ARHGAP32: variants seen among roughly 807,000 people sequenced by gnomAD.
ARHGAP32 encodes the protein rho GTPase-activating protein 32.
Under a neutral mutation model 186.5 loss-of-function variants are expected in ARHGAP32, and 51 were observed. The observed-to-expected ratio is 0.27, with a 90% CI of 0.22 to 0.35. The LOEUF (loss-of-function observed/expected upper bound fraction) is 0.35. Ranked by LOEUF, ARHGAP32 falls within the 10% of genes least tolerant of loss-of-function variation. ARHGAP32 has a pLI of 1.00. For synonymous variants in ARHGAP32, 950 were observed against 964.3 expected, an observed-to-expected ratio of 0.99 and a Z score of 0.27; for missense variants, 2,186 against 2,623.5, an observed-to-expected ratio of 0.83 and a Z score of 3.64.
At chr11:129,062,416 T>C in intron 9 of ARHGAP32, 59 bp from the exon 10 acceptor site, 2 of 1,401,696 alleles carry the variant, frequency 1.4e-6, no homozygotes, top group Admixed American at 1.7e-5. Context: ...CCAATTGTTA[T>C]ACCTAGAATT....
In ARHGAP32 at chr11:129,093,681, T is replaced by G; in HGVS notation, c.471A>C (p.Glu157Asp). The G allele has an allele frequency of 6.3e-7, 1 of 1,599,848 alleles. No individual in the cohort carries two copies. The highest frequency in any genetic ancestry group is 1.1e-5 in the South Asian group (1 of 88,330). Residue 157 changes from glutamate (E) to aspartate (D), a missense_variant, in exon 6 of 23, where the codon GAA (glutamate) becomes GAC (aspartate). This residue lies in a region of ARHGAP32 where 308 missense variants were observed against 596.5 expected (regional missense o/e 0.52). Coordinates refer to ENST00000682385, the MANE Select transcript of ARHGAP32 (RefSeq NM_001378024.1). ...TAGATTCACAGCCATTTTTCATTAC[T>G]TCATTCTGTTCTTCTGAAAGTGAAA... is the stretch of plus-strand genomic sequence containing the variant. ...IQLSLSEEQN[E>D]VMKNGCESKE...
At chr11:129,204,593 T>C (rs1212022585) in intron 1 of ARHGAP32, among the ~76,000 whole-genome samples, 8 of 152,210 alleles carry the variant, frequency 5.3e-5, no homozygotes, top group Non-Finnish European at 2.9e-5. Context: ...TCACTCTGCT[T>C]TGAAGTTGGT....
At chr11:129,121,332 G>A (rs1227276492) in intron 5 of ARHGAP32, among the ~76,000 whole-genome samples, 1 of 152,020 alleles carries the variant, frequency 6.6e-6, no homozygotes, top group Non-Finnish European at 1.5e-5. Flanking sequence ...CTTAGTTAAT[G>A]GAAACTAATG....
chr11:129,010,950 A>C (rs188848791), intron 11 of ARHGAP32, among the ~76,000 whole-genome samples: 8 of 152,344 alleles, frequency 5.3e-5, no homozygotes, highest in Admixed American at 3.9e-4. Flanking sequence ...ATTTCTAAGA[A>C]TGTTTCAAAG....
intron 6 of ARHGAP32, among the ~76,000 whole-genome samples, chr11:129,084,947 A>G (rs1426101098): frequency 1.3e-5 from 2 of 152,212 alleles, no homozygotes; most frequent in African/African-American, 4.8e-5. Flanking sequence ...GCAAGGCTGC[A>G]GAATATAAGG....
chr11:128,988,250 C>T (rs1945936491), intron 12 of ARHGAP32, 125 bp from the exon 13 acceptor site: 1 of 650,782 alleles, frequency 1.5e-6, no homozygotes, highest in Non-Finnish European at 2.6e-6. Context: ...TTAAAAGGAG[C>T]AAAAATTAAT....
At chr11:129,078,635 G>A (rs1941121742) in intron 6 of ARHGAP32, among the ~76,000 whole-genome samples, 1 of 152,062 alleles carries the variant, frequency 6.6e-6, no homozygotes, top group Admixed American at 6.6e-5. Context: ...TGGGATTACA[G>A]GCATACACCA....
intron 12 of ARHGAP32, among the ~76,000 whole-genome samples, chr11:128,993,570 T>C (rs1189374652): frequency 6.6e-6 from 1 of 151,942 alleles, no homozygotes; most frequent in Non-Finnish European, 1.5e-5. Flanking sequence ...GAGTTTAAAA[T>C]ATATAATCAA....
chr11:129,263,641 G>C (rs1945354321), intron 1 of ARHGAP32, among the ~76,000 whole-genome samples: 1 of 147,308 alleles, frequency 6.8e-6, no homozygotes, highest in Non-Finnish European at 1.5e-5. Context: ...GAGAGGGAGG[G>C]GGAGGAGAAA....
intron 1 of ARHGAP32, among the ~76,000 whole-genome samples, chr11:129,177,149 C>A (rs1943934868): frequency 6.6e-6 from 1 of 152,004 alleles, no homozygotes; most frequent in African/African-American, 2.4e-5. Flanking sequence ...TCAGAGAATA[C>A]TACAAACACC....
chr11:129,123,379 T>C lies in ARHGAP32; in HGVS notation c.444+67A>G, dbSNP rs1942580504. The C allele has an allele frequency of 4.5e-6, 6 of 1,326,370 alleles. No homozygotes were observed. Among genetic ancestry groups the C allele is most frequent in the South Asian group, 3.8e-5 (3 of 79,294 alleles). The allele number at this position is 1,326,370 out of a possible 1,614,324, so 82.2% of individuals were successfully genotyped here. ...CATCTATTAGATACAGATATATAGA[T>C]AAGCATCTAGATATAAAGGTAAATG... is the stretch of plus-strand genomic sequence containing the variant. On this transcript the variant is annotated intron_variant, in intron 5 of 22. Coordinates refer to ENST00000682385, the MANE Select transcript of ARHGAP32 (RefSeq NM_001378024.1). The surrounding 1 kb of genome is among the most constrained non-coding windows in gnomAD (Gnocchi z 4.6).
chr11:129,264,376 C>T lies in ARHGAP32; in HGVS notation c.-5+14770G>A, dbSNP rs989892461. ...CACACCTAAAAAATGGCTAAGATAG[C>T]GAATTTTATTTTATGTATATTTTAC... is the stretch of plus-strand genomic sequence containing the variant. On this transcript the variant is annotated intron_variant, in intron 1 of 6. Transcript: ENST00000525234. Among the ~76,000 whole-genome samples, 7 of 152,010 alleles carry T rather than the reference C, an allele frequency of 4.6e-5. No homozygotes were observed. The South Asian group carries it at 1.0e-3, about 23-fold the overall frequency.
At chr11:129,012,614 T>A (rs1938135264) in intron 11 of ARHGAP32, among the ~76,000 whole-genome samples, 1 of 150,710 alleles carries the variant, frequency 6.6e-6, no homozygotes, top group Non-Finnish European at 1.5e-5. Flanking sequence ...TGTGGACACA[T>A]CTGGGACGAT....
chr11:129,042,001 A>G (rs1326856146), intron 10 of ARHGAP32, among the ~76,000 whole-genome samples: 1 of 152,198 alleles, frequency 6.6e-6, no homozygotes, highest in Admixed American at 6.5e-5. Context: ...TGAGCTGTAT[A>G]ATTTCCATCT....
intron 1 of ARHGAP32, among the ~76,000 whole-genome samples, chr11:129,179,541 A>C (rs1565458605): frequency 6.6e-6 from 1 of 151,428 alleles, no homozygotes; most frequent in Non-Finnish European, 1.5e-5. Flanking sequence ...CTTGGAACCA[A>C]CCCAAATGTC....
intron 10 of ARHGAP32, among the ~76,000 whole-genome samples, chr11:129,061,874 T>C (rs1940516721): frequency 6.6e-6 from 1 of 152,210 alleles, no homozygotes; most frequent in African/African-American, 2.4e-5. Flanking sequence ...TGTTCTGTAA[T>C]TAAAAGTAAG....
chr11:129,039,524 A>G (rs1227517769), intron 11 of ARHGAP32, among the ~76,000 whole-genome samples: 1 of 152,192 alleles, frequency 6.6e-6, no homozygotes, highest in Non-Finnish European at 1.5e-5. Flanking sequence ...GAATAGGGAA[A>G]TCAATAAAGA....
Position 128,980,167 on chromosome 11 carries a change from T to C in ARHGAP32, c.1976+386A>G, listed in dbSNP as rs118173021. Among the ~76,000 whole-genome samples, 1,326 of 152,356 alleles carry C rather than the reference T, an allele frequency of 8.7e-3. 14 individuals are homozygous for C. Among genetic ancestry groups the C allele is most frequent in the Non-Finnish European group, 0.013 (893 of 68,024 alleles). On this transcript the variant is annotated intron_variant, in intron 18 of 22. Coordinates refer to ENST00000682385, the MANE Select transcript of ARHGAP32 (RefSeq NM_001378024.1). ...TCTTCTAACCTTAATGTGAAACCAA[T>C]GTCAAACAAGTCACTGTCCATTCCT...
chr11:129,026,571 G>C (rs560568844), intron 11 of ARHGAP32, among the ~76,000 whole-genome samples: 9 of 151,322 alleles, frequency 5.9e-5, no homozygotes, highest in African/African-American at 1.9e-4. Flanking sequence ...CGAGGCAGGA[G>C]GATCACAAGG....
Sources: gnomAD v4.1 joint callset for allele counts (sites outside exome capture counted in the v4.1 genomes callset) on GRCh38, gnomAD v4.1.1 for gene constraint, gnomAD v4.1.1 regional missense constraint, Gnocchi (gnomAD v3.1) non-coding constraint, MANE v1.5 for transcripts, NCBI Gene and HGNC (gene_info 2026-07-23, HGNC 2026-07-21) for gene names.